The following SORCS1 variants were observed in gnomAD, a reference collection of about 807,000 sequenced individuals.
SORCS1 encodes the protein VPS10 domain-containing receptor SorCS1.
SORCS1 carries 60 observed loss-of-function variants against 146.1 expected under a neutral mutation model. The observed-to-expected ratio is 0.41, with a 90% confidence interval of 0.33 to 0.51. SORCS1 has a LOEUF of 0.51. Ranked by LOEUF, SORCS1 falls within the 20% of genes least tolerant of loss-of-function variation. The probability of loss-of-function intolerance (pLI) is 0.21; values close to 1 mark genes in which losing one functional copy is unlikely to be tolerated. For missense variants in SORCS1, 1,352 were observed against 1,487.6 expected, an observed-to-expected ratio of 0.91 and a Z score of 1.50; for synonymous variants, 637 against 584.0, an observed-to-expected ratio of 1.09 and a Z score of -1.31.
At chr10:106,873,123 G>A (rs1427565490) in intron 2 of SORCS1, among the ~76,000 whole-genome samples, 4 of 151,678 alleles carry the variant, frequency 2.6e-5, no homozygotes, top group Admixed American at 6.6e-5. Flanking sequence ...GCAATGAGCC[G>A]AGATTGCACC....
At chr10:107,167,789 T>C (rs1037462218), upstream of SORCS1, among the ~76,000 whole-genome samples, 2 of 151,816 alleles carry the variant, frequency 1.3e-5, no homozygotes, top group Non-Finnish European at 2.9e-5. Flanking sequence ...TAAACATATG[T>C]ATATATATTC....
At chr10:106,991,668 T>C (rs1956777438) in intron 1 of SORCS1, among the ~76,000 whole-genome samples, 1 of 152,100 alleles carries the variant, frequency 6.6e-6, no homozygotes, top group Non-Finnish European at 1.5e-5. Context: ...ATTAAAAAAT[T>C]ATTACTCCTG....
intron 5 of SORCS1, among the ~76,000 whole-genome samples, chr10:106,747,746 G>T (rs182940234): frequency 1.3e-3 from 199 of 152,236 alleles, no homozygotes; most frequent in Non-Finnish European, 2.2e-3. Context: ...ACAACAGGGT[G>T]ACTACAGTTA....
chr10:106,817,015 A>G (rs539354125), intron 3 of SORCS1, among the ~76,000 whole-genome samples: 18 of 152,376 alleles, frequency 1.2e-4, no homozygotes, highest in African/African-American at 4.3e-4. Context: ...GAACAAAGAC[A>G]GTATTAGTGA....
chr10:106,865,370 C>T (rs1429210850), intron 2 of SORCS1, among the ~76,000 whole-genome samples: 1 of 152,156 alleles, frequency 6.6e-6, no homozygotes, highest in Non-Finnish European at 1.5e-5. Context: ...ACTGGAAAAC[C>T]CAAGTTGACT....
chr10:106,772,559 C>A, intron 4 of SORCS1, among the ~76,000 whole-genome samples: 1 of 151,906 alleles, frequency 6.6e-6, no homozygotes, highest in East Asian at 1.9e-4. Flanking sequence ...ATACAACCAC[C>A]TAGATGTTGA....
intron 6 of SORCS1, among the ~76,000 whole-genome samples, chr10:106,727,087 A>C (rs1228284653): frequency 2.9e-5 from 4 of 139,030 alleles, no homozygotes; most frequent in Non-Finnish European, 4.6e-5. Flanking sequence ...CTCTGTCTCA[A>C]AAAAAAAAAA....
At chr10:106,828,018 CATTA>C (rs1464643021) in intron 3 of SORCS1, among the ~76,000 whole-genome samples, 2 of 152,138 alleles carry the variant, frequency 1.3e-5, no homozygotes, top group South Asian at 2.1e-4. Flanking sequence ...GAAGAGAAAA[CATTA>C]ATTAAGCTTT....
At chr10:107,164,794 G>C (rs1430884820), upstream of SORCS1, among the ~76,000 whole-genome samples, 1 of 148,374 alleles carries the variant, frequency 6.7e-6, no homozygotes, top group Non-Finnish European at 1.5e-5. The surrounding 1 kb of genome is among the most constrained non-coding windows in gnomAD (Gnocchi z 6.8). Flanking sequence ...GCGGGCGCTG[G>C]CGGGCGACGC....
At chr10:107,115,510 A>T (rs1052782624) in intron 1 of SORCS1, among the ~76,000 whole-genome samples, 1 of 152,068 alleles carries the variant, frequency 6.6e-6, no homozygotes, top group African/African-American at 2.4e-5. Flanking sequence ...GAGGGGAAAA[A>T]ATCACTTCAA....
At chr10:106,749,767 G>A (rs1256176277) in intron 5 of SORCS1, among the ~76,000 whole-genome samples, 1 of 152,160 alleles carries the variant, frequency 6.6e-6, no homozygotes, top group Non-Finnish European at 1.5e-5. Context: ...TTTAGCAGCA[G>A]TTAACATTTA....
chr10:106,909,682 C>T (rs1952056860), intron 2 of SORCS1, among the ~76,000 whole-genome samples: 1 of 152,172 alleles, frequency 6.6e-6, no homozygotes, highest in South Asian at 2.1e-4. Context: ...TGTGTGCATT[C>T]TGTGAATGAT....
intron 3 of SORCS1, among the ~76,000 whole-genome samples, chr10:106,826,172 C>G (rs143584972): frequency 5.1e-4 from 77 of 152,318 alleles, no homozygotes; most frequent in Non-Finnish European, 8.5e-4. Flanking sequence ...TGCTCTTGTC[C>G]GCACAAATGG....
intron 2 of SORCS1, among the ~76,000 whole-genome samples, chr10:106,902,878 A>G (rs575454964): frequency 1.3e-5 from 2 of 152,320 alleles, no homozygotes; most frequent in East Asian, 3.9e-4. Flanking sequence ...GGAGATTGAG[A>G]TCATCCTGGC....
the SORCS1 span, among the ~76,000 whole-genome samples, chr10:107,170,043 A>T: frequency 2.0e-5 from 3 of 152,198 alleles, no homozygotes; most frequent in African/African-American, 7.2e-5. Context: ...ATATACTATG[A>T]TTAAATAAGT....
chr10:107,106,155 T>A (rs74154852), intron 1 of SORCS1, among the ~76,000 whole-genome samples: 7,982 of 152,236 alleles, frequency 0.052, 731 homozygotes, highest in African/African-American at 0.18. Context: ...ATTCTCAAAA[T>A]TCTGAATACT....
In SORCS1 at chr10:106,879,200, C is replaced by T. The variant is rs996908713; in HGVS notation, c.627-49527G>A. Among the ~76,000 whole-genome samples the T allele has an allele frequency of 2.9e-4, 44 of 151,480 alleles. 1 individual carries two copies. Among genetic ancestry groups the T allele is most frequent in the Admixed American group, 2.2e-3 (34 of 15,234 alleles). On this transcript the variant is annotated intron_variant, in intron 2 of 25. Coordinates refer to ENST00000263054, the MANE Select transcript of SORCS1 (RefSeq NM_052918.5). The stretch of plus-strand genomic sequence containing the variant: ...CTTACCAAGAGTGAGCAATGGTGAG[C>T]ATGCCGTTTAAGAAAGTCACATAAC...
intron 18 of SORCS1, among the ~76,000 whole-genome samples, chr10:106,647,679 A>G (rs903863022): frequency 1.3e-5 from 2 of 152,200 alleles, no homozygotes; most frequent in African/African-American, 2.4e-5. Flanking sequence ...AACCTGAAAG[A>G]GCTTTATTCA....
At chr10:106,605,836 G>T (rs1846537755) in intron 23 of SORCS1, among the ~76,000 whole-genome samples, 1 of 152,138 alleles carries the variant, frequency 6.6e-6, no homozygotes, top group Admixed American at 6.5e-5. Context: ...AAGTGAAAAA[G>T]TGGCAGCTGA....
Sources: allele counts gnomAD v4.1 joint callset (sites outside exome capture counted in the v4.1 genomes callset), GRCh38; gene constraint gnomAD v4.1.1; non-coding constraint Gnocchi (gnomAD v3.1); transcripts MANE v1.5; gene names NCBI Gene and HGNC (gene_info 2026-07-23, HGNC 2026-07-21).